The following ACSM1 variants were observed in gnomAD, a reference collection of about 807,000 sequenced individuals.
ACSM1 encodes the protein acyl-CoA synthetase medium chain family member 1, also known as acyl-coenzyme A synthetase ACSM1, mitochondrial.
ACSM1 carries 79 observed loss-of-function variants against 75.8 expected under a neutral mutation model. That is an observed-to-expected ratio of 1.04 (90% CI 0.87 to 1.26). The LOEUF is 1.26. ACSM1 is among the 50% of genes most tolerant of loss of function. The pLI is 0.00. For synonymous variants in ACSM1, 279 were observed against 265.8 expected (o/e 1.05, Z -0.48); for missense variants, 676 against 720.1 (o/e 0.94, Z 0.70).
At chr16:20,679,189 C>T (rs1214679902) in intron 4 of ACSM1, 2 of 152,248 alleles carry the variant, frequency 1.3e-5, no homozygotes, top group Admixed American at 6.5e-5. Flanking sequence ...TTCACCATAG[C>T]TGGCTGAAAC....
At chr16:20,627,071 CGGCTCTATTCAGAT>C in intron 11 of ACSM1, 104 bp downstream of exon 11, 1 of 1,331,686 alleles carries the variant, frequency 7.5e-7, no homozygotes, top group Non-Finnish European at 9.9e-7. Context: ...ACCATAGACA[CGGCTCTATTCAGAT>C]TTAGGCTGAA....
At chr16:20,630,184 A>G (rs1822035639) in intron 10 of ACSM1, among the ~76,000 whole-genome samples, 1 of 150,290 alleles carries the variant, frequency 6.7e-6, no homozygotes, top group Non-Finnish European at 1.5e-5. Flanking sequence ...CAATGGCACG[A>G]TCTCAGCTCA....
At chr16:20,696,129 G>A (rs1046149608) in intron 1 of ACSM1, among the ~76,000 whole-genome samples, 9 of 152,108 alleles carry the variant, frequency 5.9e-5, no homozygotes, top group African/African-American at 9.7e-5. Flanking sequence ...ATAGCATATC[G>A]CCTATATGTG....
At chr16:20,630,388 A>G (rs2017274755) in intron 10 of ACSM1, among the ~76,000 whole-genome samples, 1 of 152,206 alleles carries the variant, frequency 6.6e-6, no homozygotes. Context: ...TGCCCGGTCA[A>G]AATAAAGTTT....
Position 20,640,553 on chromosome 16 carries a change from T to C in ACSM1, c.1024A>G (p.Thr342Ala). 1.2e-6 allele frequency: 2 copies of C among 1,614,174 alleles called. No homozygotes were observed. Among genetic ancestry groups the C allele is most frequent in the Non-Finnish European group, 1.7e-6 (2 of 1,180,010 alleles). The change falls in exon 8 of 14, where the codon ACT becomes GCT. Residue 342 changes from threonine to alanine, a missense_variant. Thr to Ala is a moderately conservative substitution (Grantham distance 58). Coordinates refer to ENST00000520010, the MANE Select transcript of ACSM1 (RefSeq NM_001318890.3). ...TTGGGCAACACGACCTCCCCGCCAG[T>C]ATAGCAGTGCTCCAGGGCAGGGAAC... ...IRFPALEHCY[T>A]GGEVVLPKDQ...
rs150492648 is a variant in ACSM1 at position 20,626,557 on chromosome 16, C to T, written c.1427+632G>A. On this transcript the variant is annotated intron_variant, in intron 11 of 13. Transcript: ENST00000520010. ...TGAATCTTTAGGCAAATTTCCTTGC[C>T]GGTCAGTGACCCACTTTCCTCGTTA... Among the ~76,000 whole-genome samples, 859 of 151,800 alleles carry T rather than the reference C, an allele frequency of 5.7e-3. 4 individuals are homozygous for T. The highest frequency in any genetic ancestry group is 8.6e-3 in the Admixed American group (131 of 15,246).
At chr16:20,695,661 C>G (rs567528767) in intron 1 of ACSM1, among the ~76,000 whole-genome samples, 2 of 149,082 alleles carry the variant, frequency 1.3e-5, no homozygotes, top group Admixed American at 1.4e-4. Context: ...TACCTATTAC[C>G]TATTTTCTAT....
chr16:20,691,424 C>A (rs980984176), intron 1 of ACSM1, among the ~76,000 whole-genome samples, 185 bp from the exon 2 acceptor site: 1 of 152,128 alleles, frequency 6.6e-6, no homozygotes, highest in African/African-American at 2.4e-5. Context: ...GCAGAAAACG[C>A]TGGGGAGGTT....
At chr16:20,628,309 C>G (rs1692728) in intron 10 of ACSM1, among the ~76,000 whole-genome samples, 44,460 of 151,712 alleles carry the variant, frequency 0.29, 7,967 homozygotes, top group African/African-American at 0.5. Context: ...ACTTGTGTGT[C>G]TGTGTATTTA....
chr16:20,675,670 T>C (rs1163398855), intron 4 of ACSM1, among the ~76,000 whole-genome samples: 1 of 152,250 alleles, frequency 6.6e-6, no homozygotes. Context: ...TAGCCCTCTT[T>C]TAGTGATGGA....
At position 20,665,176 on chromosome 16, in the gene ACSM1, A is replaced by C. The variant is rs2019502463; in HGVS notation, c.913-3303T>G. On this transcript the variant is annotated intron_variant, in intron 6 of 13. Coordinates refer to ENST00000520010, the MANE Select transcript of ACSM1 (RefSeq NM_001318890.3). Reference sequence around the variant, plus strand: ...AAAGAACTGAATGAAATTAAGATGCAAAAGTTTATACAAAATATCAATGAA... The same window carrying C: ...AAAGAACTGAATGAAATTAAGATGCCAAAGTTTATACAAAATATCAATGAA... Among the ~76,000 whole-genome samples the C allele has an allele frequency of 2.6e-5, 4 of 152,146 alleles. No individual in the cohort carries two copies. In the South Asian group the frequency reaches 6.2e-4, roughly 24 times the overall value.
At chr16:20,644,361 G>A (rs2018241617) in intron 7 of ACSM1, among the ~76,000 whole-genome samples, 1 of 152,216 alleles carries the variant, frequency 6.6e-6, no homozygotes, top group South Asian at 2.1e-4. Context: ...AAATCTTAAA[G>A]TATGGGGCCA....
intron 4 of ACSM1, 115 bp downstream of exon 4, chr16:20,682,141 G>A: frequency 1.0e-6 from 1 of 966,828 alleles, no homozygotes; most frequent in Non-Finnish European, 1.5e-6. Flanking sequence ...ATCTGACTGG[G>A]CTGGTGCACC....
At chr16:20,690,719 C>T (rs910157491) in intron 2 of ACSM1, among the ~76,000 whole-genome samples, 3 of 152,174 alleles carry the variant, frequency 2.0e-5, no homozygotes, top group African/African-American at 7.2e-5. Context: ...TGCACCTGGT[C>T]ACAATTATAG....
intron 3 of ACSM1, 35 bp from the exon 4 acceptor site, chr16:20,682,498 C>A: frequency 1.9e-6 from 3 of 1,569,798 alleles, no homozygotes; most frequent in Non-Finnish European, 2.6e-6. Flanking sequence ...GTTTTGGTTT[C>A]TTTTTCACAA....
At chr16:20,672,506 T>C (rs1234565841) in intron 4 of ACSM1, among the ~76,000 whole-genome samples, 2 of 124,160 alleles carry the variant, frequency 1.6e-5, no homozygotes, top group Non-Finnish European at 3.2e-5. Context: ...AAAAAACATA[T>C]TTATATATTA....
rs1056619685 is a variant in ACSM1 at position 20,644,386 on chromosome 16, G to T, written c.993-3802C>A. Among the ~76,000 whole-genome samples the T allele has an allele frequency of 2.0e-5, 3 of 152,158 alleles. No individual in the cohort carries two copies. The East Asian group carries it at 5.8e-4, about 29-fold the overall frequency. ...GTATGGGGCCATTCTGTGAGGAAAA[G>T]GTGATTTAACATTAACCACTGAAAA... On this transcript the variant is annotated intron_variant, in intron 7 of 13. Coordinates refer to ENST00000520010, the MANE Select transcript of ACSM1 (RefSeq NM_001318890.3).
chr16:20,625,066 C>T (rs556205283), intron 12 of ACSM1, among the ~76,000 whole-genome samples: 1 of 152,260 alleles, frequency 6.6e-6, no homozygotes, highest in African/African-American at 2.4e-5. Context: ...TCGGGAGCCA[C>T]ATTGCTGAGA....
At chr16:20,672,547 T>C (rs1168230491) in intron 4 of ACSM1, among the ~76,000 whole-genome samples, 14 of 132,906 alleles carry the variant, frequency 1.1e-4, no homozygotes, top group Non-Finnish European at 2.0e-4. Flanking sequence ...TATATAAAAT[T>C]ATATATAAAT....
Sources: gnomAD v4.1 joint callset for allele counts (sites outside exome capture counted in the v4.1 genomes callset) on GRCh38, gnomAD v4.1.1 for gene constraint, MANE v1.5 for transcripts, NCBI Gene and HGNC (gene_info 2026-07-23, HGNC 2026-07-21) for gene names.